The following CHST9 variants were observed in gnomAD, a reference collection of about 807,000 sequenced individuals.
CHST9 encodes the protein GalNAc-4-sulfotransferase 2.
In CHST9, 41 loss-of-function variants were observed where a neutral mutation model predicts 44.4. That is an observed-to-expected ratio of 0.92 (90% CI 0.72 to 1.20). The LOEUF (loss-of-function observed/expected upper bound fraction) is 1.20, where lower values mean the gene tolerates loss of function less well. Among genes scored for constraint, CHST9 ranks in the 50% most tolerant of loss-of-function variants. The pLI is 0.00. For synonymous variants in CHST9, 171 were observed against 178.4 expected, an observed-to-expected ratio of 0.96 and a Z score of 0.33; for missense variants, 504 against 516.5, an observed-to-expected ratio of 0.98 and a Z score of 0.23.
rs28594362 is a variant in CHST9, at chr18:26,965,669, T to G, written c.203-21303A>C. Among the ~76,000 whole-genome samples, 200 of 152,342 alleles carry G rather than the reference T, an allele frequency of 1.3e-3. 1 individual carries two copies. The highest frequency in any genetic ancestry group is 4.5e-3 in the African/African-American group (189 of 41,576). On this transcript the variant is annotated intron_variant, in intron 4 of 5. Transcript: ENST00000618847. Reference sequence around the variant, plus strand: ...ATTGCTATGAAGACTAAATGAATAATGTGTGCCATGTATCTAGAAGAGCTT... The same window carrying G: ...ATTGCTATGAAGACTAAATGAATAAGGTGTGCCATGTATCTAGAAGAGCTT...
At chr18:26,952,667 A>T (rs189257381) in intron 4 of CHST9, 672 of 218,930 alleles carry the variant, frequency 3.1e-3, no homozygotes, top group Non-Finnish European at 2.9e-3. Context: ...CTGTGTAGTC[A>T]TTTTCTCTAA....
intron 1 of CHST9, among the ~76,000 whole-genome samples, chr18:27,157,336 A>G (rs1342603399): frequency 6.6e-6 from 1 of 152,166 alleles, no homozygotes; most frequent in African/African-American, 2.4e-5. Context: ...CACTAGAAGT[A>G]TGTGTATATT....
chr18:26,986,426 G>C (rs1044909438), intron 4 of CHST9, among the ~76,000 whole-genome samples: 3 of 152,054 alleles, frequency 2.0e-5, no homozygotes, highest in Admixed American at 2.0e-4. Context: ...AAAAAGAAAA[G>C]AGAATTAGTG....
rs188608868 is a variant in CHST9 at position 26,994,463 on chromosome 18, T to A, written c.202+29653A>T. ...TTCTCAGTACCTTTTCTCAATACTTTTTCTCTTTTGATTTCTGATAACACG... is the reference window on the plus strand; with the variant it reads ...TTCTCAGTACCTTTTCTCAATACTTATTCTCTTTTGATTTCTGATAACACG... On this transcript the variant is annotated intron_variant, in intron 4 of 5. Transcript: ENST00000618847. Among the ~76,000 whole-genome samples the A allele has an allele frequency of 1.4e-3, 206 of 152,128 alleles. 1 individual carries two copies. The highest frequency in any genetic ancestry group is 1.5e-3 in the Non-Finnish European group (102 of 67,992).
rs1598573045 is a variant in CHST9 at position 26,935,495 on chromosome 18, A to C, written c.240+8834T>G. 3 of 152,236 alleles carry C rather than the reference A, an allele frequency of 2.0e-5. No homozygotes were observed. The East Asian group carries it at 5.8e-4, about 29-fold the overall frequency. The allele number at this position is 152,236 out of a possible 1,614,324, so 9.4% of individuals were successfully genotyped here. A position where few individuals can be genotyped will look rare whatever the true frequency, so the allele number is the denominator to read the frequency against. On this transcript the variant is annotated intron_variant, in intron 5 of 5. Transcript: ENST00000618847. Reference sequence around the variant, plus strand: ...TTACAAAGTAGATTATGCCTAATAAAATCTATTTTGTTTATGGTCACATTT... The same window carrying C: ...TTACAAAGTAGATTATGCCTAATAACATCTATTTTGTTTATGGTCACATTT...
rs140046168 is a variant in CHST9 at position 26,938,816 on chromosome 18, T to C, written c.240+5513A>G. 4.9e-3 allele frequency among the ~76,000 whole-genome samples: 740 copies of C among 152,330 alleles called. 1 individual carries two copies. Among genetic ancestry groups the C allele is most frequent in the African/African-American group, 8.5e-3 (355 of 41,570 alleles). On this transcript the variant is annotated intron_variant, in intron 5 of 5. Coordinates refer to ENST00000618847, the MANE Select transcript of CHST9 (RefSeq NM_031422.6). ...TTATTCATAATGACCATGTGCAGTC[T>C]TGGCTTGTTCCTTCTGTTTTTGGTT...
chr18:27,062,603 T>C (rs998254597), intron 2 of CHST9, among the ~76,000 whole-genome samples: 22 of 152,204 alleles, frequency 1.4e-4, no homozygotes, highest in Admixed American at 1.3e-4. Flanking sequence ...CTATTGTGAA[T>C]AGTGCTGCAA....
At chr18:27,147,196 C>T (rs1016548128) in intron 1 of CHST9, among the ~76,000 whole-genome samples, 1 of 152,118 alleles carries the variant, frequency 6.6e-6, no homozygotes, top group Admixed American at 6.6e-5. Context: ...TCCCCATTAG[C>T]TGTGATTACA....
chr18:26,995,807 A>G (rs1160169600), intron 4 of CHST9, among the ~76,000 whole-genome samples: 1 of 152,192 alleles, frequency 6.6e-6, no homozygotes, highest in African/African-American at 2.4e-5. Flanking sequence ...TGCTTTGTCT[A>G]TTATTAAAGC....
chr18:26,971,558 G>A (rs1158176858), intron 4 of CHST9, among the ~76,000 whole-genome samples: 15 of 152,198 alleles, frequency 9.9e-5, no homozygotes, highest in Non-Finnish European at 8.8e-5. Context: ...GCTGCCAGGG[G>A]AATAATGTTC....
chr18:27,156,274 T>C (rs766859055), intron 1 of CHST9, among the ~76,000 whole-genome samples: 15 of 151,894 alleles, frequency 9.9e-5, no homozygotes, highest in Non-Finnish European at 1.9e-4. Context: ...AATTGAAAGA[T>C]GAGAAATGTA....
At chr18:27,048,741 G>T (rs2057533275) in intron 2 of CHST9, among the ~76,000 whole-genome samples, 1 of 152,114 alleles carries the variant, frequency 6.6e-6, no homozygotes, top group South Asian at 2.1e-4. Flanking sequence ...TTAAAATCTT[G>T]TTAGCCAGAG....
chr18:26,984,498 G>A (rs1266949853), intron 4 of CHST9, among the ~76,000 whole-genome samples: 1 of 151,878 alleles, frequency 6.6e-6, no homozygotes, highest in Non-Finnish European at 1.5e-5. Flanking sequence ...TAGCAATAAG[G>A]GGAAAATCTG....
chr18:27,149,513 T>C (rs2058642784), intron 1 of CHST9, among the ~76,000 whole-genome samples: 1 of 152,124 alleles, frequency 6.6e-6, no homozygotes, highest in African/African-American at 2.4e-5. Context: ...AACATGTGCA[T>C]GTGTCTTTAT....
intron 1 of CHST9, among the ~76,000 whole-genome samples, chr18:27,181,254 A>T (rs914549007): frequency 6.6e-6 from 1 of 152,208 alleles, no homozygotes; most frequent in Non-Finnish European, 1.5e-5. Flanking sequence ...ACTGACTATA[A>T]ACAAGATATT....
At chr18:27,071,040 C>T (rs563838199) in intron 2 of CHST9, among the ~76,000 whole-genome samples, 42 of 152,166 alleles carry the variant, frequency 2.8e-4, no homozygotes, top group Non-Finnish European at 5.1e-4. Flanking sequence ...CTCCCTGTGG[C>T]CAGCCTCTGC....
chr18:27,095,978 T>C (rs2058113095), intron 2 of CHST9, among the ~76,000 whole-genome samples: 1 of 151,990 alleles, frequency 6.6e-6, no homozygotes, highest in African/African-American at 2.4e-5. Flanking sequence ...AACCACAAAA[T>C]GGACATTTTT....
chr18:27,183,334 G>A (rs757928683), intron 1 of CHST9, among the ~76,000 whole-genome samples: 19 of 152,178 alleles, frequency 1.2e-4, no homozygotes, highest in Non-Finnish European at 2.5e-4. Context: ...GAGTAAGTAC[G>A]TTTTGATACC....
chr18:27,073,461 A>T (rs1293216894), intron 2 of CHST9, among the ~76,000 whole-genome samples: 2 of 151,976 alleles, frequency 1.3e-5, no homozygotes, highest in Non-Finnish European at 2.9e-5. Flanking sequence ...TGAAACCCTT[A>T]GACTGAGTAG....
Sources: allele counts gnomAD v4.1 joint callset (sites outside exome capture counted in the v4.1 genomes callset), GRCh38; gene constraint gnomAD v4.1.1; transcripts MANE v1.5; gene names NCBI Gene and HGNC (gene_info 2026-07-23, HGNC 2026-07-21).